NOTCH1: variants seen among roughly 807,000 people sequenced by gnomAD.
NOTCH1 encodes the protein neurogenic locus notch homolog protein 1.
A neutral mutation model predicts 254.8 loss-of-function variants in NOTCH1; 37 were observed. The observed-to-expected ratio is 0.15, with a 90% CI of 0.11 to 0.19. The LOEUF is 0.19. Ranked by LOEUF, NOTCH1 falls within the 10% of genes least tolerant of loss-of-function variation. The pLI is 1.00. For synonymous variants in NOTCH1, 1,731 were observed against 1,618.1 expected (o/e 1.07, Z -1.68); for missense variants, 2,972 against 3,708.6 (o/e 0.80, Z 5.16).
At chr9:136,502,559 G>T (rs903660058) in intron 27 of NOTCH1, 71 bp from the exon 28 acceptor site, 3 of 1,033,042 alleles carry the variant, frequency 2.9e-6, no homozygotes, top group Non-Finnish European at 1.3e-6. Flanking sequence ...TGGTGGCCGG[G>T]GGGCGGCGGA....
Position 136,500,785 on chromosome 9 carries a change from C to T in NOTCH1, c.5701G>A (p.Glu1901Lys), listed in dbSNP as rs758564262. The change falls in exon 31 of 34, where the codon GAG becomes AAG. Residue 1901 changes from glutamate to lysine, a missense_variant. Around this residue, in one of 8 missense-constraint regions of NOTCH1, gnomAD observed 421 missense variants for 604.4 expected, o/e 0.70. Coordinates refer to ENST00000651671, the MANE Select transcript of NOTCH1 (RefSeq NM_017617.5). ...ACGGCCGGCGCGTCCTCCTCTTCCT[C>T]GCTGTTGCCCGTCTCCAGGCCGCCC... ...SGGGLETGNS[E>K]EEEDAPAVIS... The T allele has an allele frequency of 6.2e-7, 1 of 1,601,674 alleles. No individual in the cohort carries two copies. Among genetic ancestry groups the T allele is most frequent in the South Asian group, 1.1e-5 (1 of 91,064 alleles).
rs2133362249 is a variant in NOTCH1 at position 136,515,277 on chromosome 9, C to T, written c.2014+13G>A. On this transcript the variant is annotated intron_variant, in intron 12 of 33. Coordinates refer to ENST00000651671, the MANE Select transcript of NOTCH1 (RefSeq NM_017617.5). ...GCACAGTGCAGTCAGCCCCCACGTG[C>T]AGGGCCGCTCACCTGTGTAGCCCGG... is the stretch of plus-strand genomic sequence containing the variant. 2.5e-6 allele frequency: 4 copies of T among 1,611,002 alleles called. No individual in the cohort carries two copies. The highest frequency in any genetic ancestry group is 3.4e-6 in the Non-Finnish European group (4 of 1,178,426).
At chr9:136,526,574 T>C (rs1421112217) in intron 2 of NOTCH1, among the ~76,000 whole-genome samples, 1 of 152,094 alleles carries the variant, frequency 6.6e-6, no homozygotes, top group African/African-American at 2.4e-5. Flanking sequence ...GGGGAGACGC[T>C]GGAGGTCCGA....
chr9:136,521,477 C>T (rs1360150454), intron 4 of NOTCH1, among the ~76,000 whole-genome samples: 1 of 152,156 alleles, frequency 6.6e-6, no homozygotes, highest in Admixed American at 6.5e-5. Context: ...CTGCCCAAGG[C>T]GGGTGGGCAT....
At position 136,523,200 on chromosome 9, in the gene NOTCH1, G is replaced by A. The variant is rs747762951; in HGVS notation, c.404-12C>T. 2 of 1,588,388 alleles carry A rather than the reference G, an allele frequency of 1.3e-6. No homozygotes were observed. Among genetic ancestry groups the A allele is most frequent in the Non-Finnish European group, 1.7e-6 (2 of 1,168,728 alleles). On this transcript the variant is annotated splice_polypyrimidine_tract_variant and intron_variant, in intron 3 of 33. Transcript: ENST00000651671. ...CTGGCACGATTTCCCTGGAGACAAG[G>A]GGACAAGAGGGTCGTGCTGGCCTCA...
At chr9:136,543,107 G>C (rs1843756061) in intron 2 of NOTCH1, 1 of 156,512 alleles carries the variant, frequency 6.4e-6, no homozygotes, top group South Asian at 1.7e-4. Context: ...GCCAAAACAT[G>C]AGTTCCACCT....
At position 136,502,587 on chromosome 9, in the gene NOTCH1, C is replaced by T. The variant is rs1589056854; in HGVS notation, c.5168-99G>A. The T allele has an allele frequency of 1.2e-5, 8 of 681,122 alleles. No homozygotes were observed. In the East Asian group the frequency reaches 2.4e-4, roughly 20 times the overall value. The allele number at this position is 681,122 out of a possible 1,614,324, so 42.2% of individuals were successfully genotyped here. On this transcript the variant is annotated intron_variant, in intron 27 of 33. Transcript: ENST00000651671. ...GCGGCGGACTGGCTCCGCGTCCGGG[C>T]GCCTCCTCACCCACTCTCCTCCATC...
intron 2 of NOTCH1, among the ~76,000 whole-genome samples, chr9:136,526,946 C>T (rs1007492102): frequency 4.6e-5 from 7 of 152,170 alleles, no homozygotes; most frequent in African/African-American, 7.2e-5. Context: ...GCCCATTGTC[C>T]GCCCCCACTC....
chr9:136,519,326 T>A (rs956461877), intron 5 of NOTCH1, 117 bp downstream of exon 5: 87 of 1,462,424 alleles, frequency 5.9e-5, no homozygotes, highest in Non-Finnish European at 7.9e-5. Context: ...CCAACCCTAG[T>A]CTGCCTGGCC....
chr9:136,517,217 C>T (rs1404001096), intron 9 of NOTCH1, 55 bp downstream of exon 9: 9 of 1,189,508 alleles, frequency 7.6e-6, no homozygotes, highest in Non-Finnish European at 1.1e-5. Context: ...CCAGGCACCC[C>T]TCAGGAGGCC....
chr9:136,518,464 C>G (rs1218911221), intron 6 of NOTCH1, 127 bp downstream of exon 6: 5 of 1,115,682 alleles, frequency 4.5e-6, no homozygotes, highest in Non-Finnish European at 6.5e-6. Context: ...CCACCGGCCT[C>G]CCTGACCAGA....
Position 136,516,039 on chromosome 9 carries a change from G to A in NOTCH1, c.1611C>T (p.Cys537=), listed in dbSNP as rs766877514. 1 of 1,612,298 alleles carries A rather than the reference G, an allele frequency of 6.2e-7. No individual in the cohort carries two copies. Among genetic ancestry groups the A allele is most frequent in the South Asian group, 1.1e-5 (1 of 91,084 alleles). The change falls in exon 10 of 34, where the codon TGC becomes TGT. Residue 537 remains cysteine (C), a synonymous_variant. Coordinates refer to ENST00000651671, the MANE Select transcript of NOTCH1 (RefSeq NM_017617.5). ...CGTCCAGGCACTTGGCACCATTCTT[G>A]CAGGGGGTGCTGGCACACTCGTCCA... ...YDVDECASTP[C]KNGAKCLDGP...
rs2133370909 is a variant in NOTCH1 at position 136,518,666 on chromosome 9, C to T, written c.1024G>A (p.Ala342Thr). Reference sequence around the variant, plus strand: ...CAGGTGGCGCCGTGGAAGCAGGCGGCGCTGGCACAGTCATCAATGTTCTCG... The same window carrying T: ...CAGGTGGCGCCGTGGAAGCAGGCGGTGCTGGCACAGTCATCAATGTTCTCG... ...CSENIDDCAS[A>T]ACFHGATCHD... Residue 342 changes from alanine to threonine, a missense_variant, in exon 6 of 34, where the codon GCC (alanine) becomes ACC (threonine). Ala to Thr is a moderately conservative substitution (Grantham distance 58, BLOSUM62 0). Coordinates refer to ENST00000651671, the MANE Select transcript of NOTCH1 (RefSeq NM_017617.5). 4.3e-6 allele frequency: 7 copies of T among 1,612,296 alleles called. No individual in the cohort carries two copies. The highest frequency in any genetic ancestry group is 2.2e-5 in the South Asian group (2 of 91,056).
rs1485619221 is a variant in NOTCH1, at chr9:136,506,819, C to T, written c.3798G>A (p.Gly1266=). 6.2e-7 allele frequency: 1 copy of T among 1,612,088 alleles called. No individual in the cohort carries two copies. The highest frequency in any genetic ancestry group is 1.3e-5 in the African/African-American group (1 of 74,896). ...GATTGGACAGGCACTCGTTGACATC[C>T]CCCTCACAGCGCTCACCCACGAAGC... ...PPGFVGERCE[G]DVNECLSNPC... is the part of the protein sequence containing the mutation. Residue 1266 remains glycine, a synonymous_variant, in exon 23 of 34, where the codon GGG becomes GGA. Transcript: ENST00000651671. The surrounding 1 kb of genome is among the most constrained non-coding windows in gnomAD (Gnocchi z 4.5).
At chr9:136,534,929 A>T (rs1843620210) in intron 2 of NOTCH1, among the ~76,000 whole-genome samples, 1 of 15,708 alleles carries the variant, frequency 6.4e-5, no homozygotes. Context: ...CTCCCCACAG[A>T]GCCCCCAGTC....
At chr9:136,503,946 C>T (rs1843038030) in intron 26 of NOTCH1, among the ~76,000 whole-genome samples, 1 of 152,210 alleles carries the variant, frequency 6.6e-6, no homozygotes, top group South Asian at 2.1e-4. Context: ...TAGGCATGGG[C>T]GGGAGCCTTG....
At position 136,506,796 on chromosome 9, in the gene NOTCH1, T is replaced by A. The variant is rs2133343506; in HGVS notation, c.3821A>T (p.Asn1274Ile). Residue 1274 changes from asparagine to isoleucine, a missense_variant, in exon 23 of 34, where the codon AAT becomes ATT. Physicochemically the swap from Asn to Ile is moderately radical, Grantham distance 149 (BLOSUM62 -3). This residue lies in a region of NOTCH1 where 1,343 missense variants were observed against 1,557.0 expected (regional missense o/e 0.86). Transcript: ENST00000651671. This position sits in a 1 kb window ranked among gnomAD's most constrained non-coding sequence, Gnocchi z 4.5. ...CTGGGTGCCACGGGCGTCGCAGGGA[T>A]TGGACAGGCACTCGTTGACATCCCC... ...CEGDVNECLS[N>I]PCDARGTQNC... 1 of 1,611,770 alleles carries A rather than the reference T, an allele frequency of 6.2e-7. No individual in the cohort carries two copies. The highest frequency in any genetic ancestry group is 1.7e-5 in the Admixed American group (1 of 59,912).
Position 136,497,103 on chromosome 9 carries a change from G to C in NOTCH1, c.6636C>G (p.Asp2212Glu). 1 of 1,611,084 alleles carries C rather than the reference G, an allele frequency of 6.2e-7. No individual in the cohort carries two copies. ...AGGGCAGCAGTGGCGGCGAGGCCAC[G>C]TCTGACAGGTAGCCATGGGGTGACT... The part of the protein sequence containing the change: ...SLESPHGYLS[D>E]VASPPLLPSP... Residue 2212 changes from aspartate (D) to glutamate (E), a missense_variant, in exon 34 of 34, where the codon GAC (aspartate) becomes GAG (glutamate). By Grantham distance (45) the Asp-to-Glu change is conservative. Transcript: ENST00000651671.
At position 136,515,415 on chromosome 9, in the gene NOTCH1, C is replaced by T. The variant is rs373307296; in HGVS notation, c.1904-15G>A. ...GCAGTTGGGTCCTGAAGGGGTGGCA[C>T]GTGTCGGTCAGTCCTCAGGCCCGCC... On this transcript the variant is annotated splice_polypyrimidine_tract_variant and intron_variant, in intron 11 of 33. Transcript: ENST00000651671. 37 of 1,612,604 alleles carry T rather than the reference C, an allele frequency of 2.3e-5. No homozygotes were observed. The highest frequency in any genetic ancestry group is 8.8e-5 in the South Asian group (8 of 91,086).
Sources: allele counts gnomAD v4.1 joint callset (sites outside exome capture counted in the v4.1 genomes callset), GRCh38; gene constraint gnomAD v4.1.1; regional missense constraint gnomAD v4.1.1; non-coding constraint Gnocchi (gnomAD v3.1); transcripts MANE v1.5; gene names NCBI Gene and HGNC (gene_info 2026-07-23, HGNC 2026-07-21).